RBFOX1: variants seen among roughly 807,000 people sequenced by gnomAD.
The protein encoded by RBFOX1 is RNA binding protein fox-1 homolog 1.
RBFOX1 carries 8 observed loss-of-function variants against 57.7 expected under a neutral mutation model. The observed-to-expected ratio is 0.14, with a 90% CI of 0.08 to 0.25. RBFOX1 has a LOEUF of 0.25. RBFOX1 is among the 10% of genes least tolerant of loss of function. RBFOX1 has a pLI of 1.00. For synonymous variants in RBFOX1, 326 were observed against 222.4 expected (o/e 1.47, Z -4.15); for missense variants, 611 against 548.5 (o/e 1.11, Z -1.14).
rs115753720 is a variant in RBFOX1 at position 7,485,219 on chromosome 16, A to G, written c.28-32928A>G. Among the ~76,000 whole-genome samples the G allele has an allele frequency of 7.2e-3, 1,101 of 152,260 alleles. 14 individuals carry two copies. Among genetic ancestry groups the G allele is most frequent in the African/African-American group, 0.024 (1,017 of 41,558 alleles). Reference sequence around the variant, plus strand: ...ACCTGTTATTTTGTTTTACAACTATAATGACTAGTTCTGTTTATGCATGCA... The same window carrying G: ...ACCTGTTATTTTGTTTTACAACTATGATGACTAGTTCTGTTTATGCATGCA... On this transcript the variant is annotated intron_variant, in intron 4 of 15. Coordinates refer to ENST00000550418, the MANE Select transcript of RBFOX1 (RefSeq NM_018723.4).
At chr16:7,167,303 G>A (rs992592153) in intron 4 of RBFOX1, among the ~76,000 whole-genome samples, 4 of 151,818 alleles carry the variant, frequency 2.6e-5, no homozygotes, top group Non-Finnish European at 4.4e-5. Context: ...GGATTTTTAC[G>A]GATGTCACTC....
chr16:7,478,329 G>T (rs935440947), intron 4 of RBFOX1, among the ~76,000 whole-genome samples: 7 of 152,154 alleles, frequency 4.6e-5, no homozygotes, highest in Admixed American at 3.9e-4. Flanking sequence ...GATAGCAAGA[G>T]GAAGATAGAC....
intron 13 of RBFOX1, among the ~76,000 whole-genome samples, chr16:7,665,636 G>T (rs1018857068): frequency 5.3e-5 from 8 of 152,068 alleles, no homozygotes; most frequent in Non-Finnish European, 1.0e-4. Flanking sequence ...ATTTAACTAT[G>T]TTCATCTAGA....
chr16:7,710,515 C>A (rs1294889382), intron 15 of RBFOX1, 108 bp from the exon 16 acceptor site: 6 of 1,570,490 alleles, frequency 3.8e-6, no homozygotes, highest in Non-Finnish European at 3.4e-6. Context: ...GGGGTGCCTC[C>A]ATTTCGGTTG....
intron 1 of RBFOX1, among the ~76,000 whole-genome samples, chr16:5,449,365 A>G (rs1347163012): frequency 1.3e-5 from 2 of 152,184 alleles, no homozygotes; most frequent in Non-Finnish European, 2.9e-5. Flanking sequence ...GTTATTGTGC[A>G]TTCTCAGAAT....
intron 2 of RBFOX1, among the ~76,000 whole-genome samples, chr16:6,609,463 C>T (rs1313128325): frequency 6.6e-6 from 1 of 152,200 alleles, no homozygotes. Context: ...CCCACCTCAG[C>T]CTCCCGAGTA....
chr16:6,098,787 C>T (rs1051218196), intron 1 of RBFOX1, among the ~76,000 whole-genome samples: 1 of 152,180 alleles, frequency 6.6e-6, no homozygotes, highest in Non-Finnish European at 1.5e-5. Context: ...TCAGGGGACT[C>T]TGAGACACAC....
chr16:5,613,122 C>T (rs1288020895), intron 3 of RBFOX1, among the ~76,000 whole-genome samples: 1 of 152,182 alleles, frequency 6.6e-6, no homozygotes, highest in Admixed American at 6.5e-5. Context: ...CCTCAGGTTT[C>T]TTTGAGGGGC....
At chr16:6,773,834 G>C (rs1567186689) in intron 3 of RBFOX1, 1 of 384,160 alleles carries the variant, frequency 2.6e-6, no homozygotes, top group Non-Finnish European at 3.6e-6. Context: ...GGGGGCATGG[G>C]GTGCATTTGT....
intron 1 of RBFOX1, among the ~76,000 whole-genome samples, chr16:5,396,411 C>T (rs2066557266): frequency 6.6e-6 from 1 of 152,036 alleles, no homozygotes; most frequent in African/African-American, 2.4e-5. Context: ...GAGGCTGAGG[C>T]AGGTGAACCA....
At chr16:6,115,302 C>A (rs188105417) in intron 1 of RBFOX1, among the ~76,000 whole-genome samples, 1 of 152,094 alleles carries the variant, frequency 6.6e-6, no homozygotes, top group Non-Finnish European at 1.5e-5. Context: ...GATTTCACTG[C>A]CCCTTAGAAT....
chr16:6,875,275 C>G lies in RBFOX1; in HGVS notation c.-15-176782C>G, dbSNP rs370322151. ...GTATCTCTGAAGACTCTTCGGTTGTCTAAACAATACAACTCGTTATGGTGG... is the reference window on the plus strand; with the variant it reads ...GTATCTCTGAAGACTCTTCGGTTGTGTAAACAATACAACTCGTTATGGTGG... On this transcript the variant is annotated intron_variant, in intron 3 of 15. Transcript: ENST00000550418. Among the ~76,000 whole-genome samples the G allele has an allele frequency of 6.6e-5, 10 of 152,288 alleles. 1 individual carries two copies. Among genetic ancestry groups the G allele is most frequent in the East Asian group, 1.9e-4 (1 of 5,176 alleles).
At chr16:5,470,917 TCTC>T (rs1472974365) in intron 2 of RBFOX1, among the ~76,000 whole-genome samples, 2 of 152,144 alleles carry the variant, frequency 1.3e-5, no homozygotes, top group Admixed American at 1.3e-4. Flanking sequence ...AGTGGTGCGA[TCTC>T]AGCTCACTGC....
intron 4 of RBFOX1, among the ~76,000 whole-genome samples, chr16:7,365,554 G>A (rs764790903): frequency 1.3e-5 from 2 of 152,188 alleles, no homozygotes; most frequent in Non-Finnish European, 2.9e-5. Context: ...TGTGTAGAGT[G>A]ATGCTGCTGA....
chr16:6,405,253 G>C (rs1172883429), intron 2 of RBFOX1, among the ~76,000 whole-genome samples: 1 of 152,150 alleles, frequency 6.6e-6, no homozygotes, highest in East Asian at 1.9e-4. Flanking sequence ...AGGGTGTTTT[G>C]AGATGGGCTG....
chr16:7,413,647 C>T (rs1201593423), intron 4 of RBFOX1, among the ~76,000 whole-genome samples: 2 of 152,036 alleles, frequency 1.3e-5, no homozygotes, highest in Non-Finnish European at 2.9e-5. Flanking sequence ...GCACTGGTTG[C>T]CTGTTTTCTA....
chr16:7,338,932 C>T (rs536532412), intron 4 of RBFOX1, among the ~76,000 whole-genome samples: 1 of 152,320 alleles, frequency 6.6e-6, no homozygotes, highest in South Asian at 2.1e-4. Context: ...AAGACATCAG[C>T]ATGCACACCT....
intron 5 of RBFOX1, 78 bp from the exon 6 acceptor site, chr16:7,579,699 T>A: frequency 1.3e-6 from 2 of 1,560,120 alleles, no homozygotes; most frequent in Non-Finnish European, 1.8e-6. Context: ...TTCCTGCCAC[T>A]CATGGCAAGC....
intron 4 of RBFOX1, among the ~76,000 whole-genome samples, chr16:7,404,147 G>A (rs1266172361): frequency 6.6e-6 from 1 of 150,934 alleles, no homozygotes; most frequent in Non-Finnish European, 1.5e-5. Flanking sequence ...CCACCTCCCA[G>A]GTTCAAGCGA....
Sources: allele counts gnomAD v4.1 joint callset (sites outside exome capture counted in the v4.1 genomes callset), GRCh38; gene constraint gnomAD v4.1.1; transcripts MANE v1.5; gene names NCBI Gene and HGNC (gene_info 2026-07-23, HGNC 2026-07-21).